The following PATZ1 variants were observed in gnomAD, a reference collection of about 807,000 sequenced individuals.
PATZ1 encodes POZ/BTB and AT hook containing zinc finger 1.
PATZ1 carries 9 observed loss-of-function variants against 46.2 expected under a neutral mutation model. The ratio of observed to expected loss-of-function variants is 0.19; its 90% CI spans 0.12 to 0.34. The LOEUF is 0.34. Ranked by LOEUF, PATZ1 falls within the 10% of genes least tolerant of loss-of-function variation. The pLI, the probability that PATZ1 is intolerant of heterozygous loss-of-function variation, is 1.00. For synonymous variants in PATZ1, 426 were observed against 378.6 expected, an observed-to-expected ratio of 1.13 and a Z score of -1.45; for missense variants, 632 against 923.0, an observed-to-expected ratio of 0.68 and a Z score of 4.08.
intron 2 of PATZ1, among the ~76,000 whole-genome samples, chr22:31,339,701 G>C (rs895777423): frequency 3.3e-5 from 5 of 152,152 alleles, no homozygotes; most frequent in Admixed American, 3.3e-4. Flanking sequence ...CTGTAATTAA[G>C]GGCCATGCCT....
chr22:31,341,314 C>G (rs2049577336), intron 2 of PATZ1: 4 of 1,477,922 alleles, frequency 2.7e-6, no homozygotes, highest in South Asian at 1.5e-5. Context: ...GGGCAGGAAC[C>G]ACCCTGCTAG....
rs1002479039 is a variant in PATZ1, at chr22:31,342,756, GGGT to G, written c.1335+138_1335+140del. ...AGAACAAAGGAGGAGAGCAGAGGGA[GGGT>G]GGAGGAACAGAGGGGAGGTGTGCAA... On this transcript the variant is annotated intron_variant, in intron 2 of 4. Transcript: ENST00000266269. 10 of 780,098 alleles carry G rather than the reference GGGT, an allele frequency of 1.3e-5. No individual in the cohort carries two copies. In the African/African-American group the frequency reaches 1.7e-4, roughly 13 times the overall value. The allele number at this position is 780,098 out of a possible 1,614,324, so 48.3% of individuals were successfully genotyped here.
intron 2 of PATZ1, among the ~76,000 whole-genome samples, chr22:31,337,310 G>A (rs137867924): frequency 1.2e-4 from 19 of 152,288 alleles, no homozygotes; most frequent in African/African-American, 4.1e-4. Flanking sequence ...CCAAGACAGC[G>A]TGGCTTTGGA....
chr22:31,333,709 T>G (rs1383040508), intron 3 of PATZ1, among the ~76,000 whole-genome samples: 1 of 152,180 alleles, frequency 6.6e-6, no homozygotes, highest in Non-Finnish European at 1.5e-5. Context: ...AGTCTTGGCT[T>G]TTCTGAGAAA....
At chr22:31,339,307 T>A (rs2049550827) in intron 2 of PATZ1, among the ~76,000 whole-genome samples, 1 of 152,164 alleles carries the variant, frequency 6.6e-6, no homozygotes, top group African/African-American at 2.4e-5. Flanking sequence ...GACAAACGCT[T>A]TCCCTGTGTT....
intron 2 of PATZ1, 40 bp downstream of exon 2, chr22:31,342,857 C>T (rs2049600375): frequency 6.2e-7 from 1 of 1,610,010 alleles, no homozygotes; most frequent in Non-Finnish European, 8.5e-7. Flanking sequence ...AGAACAGCAT[C>T]ATCTCCTTCA....
At position 31,344,523 on chromosome 22, in the gene PATZ1, G is replaced by A. The variant is rs1182445991; in HGVS notation, c.1080C>T (p.Cys360=). 5.0e-6 allele frequency: 8 copies of A among 1,614,112 alleles called. No individual in the cohort carries two copies. The highest frequency in any genetic ancestry group is 5.1e-6 in the Non-Finnish European group (6 of 1,180,040). ...GATACACATCACGGAAGATCTTGCC[G>A]CAGATCTCACAAGCCACCTGCTTCC... ...RTRKQVACEI[C]GKIFRDVYHL... is the part of the protein sequence containing the mutation. The change falls in exon 1 of 5, where the codon TGC becomes TGT. Residue 360 remains cysteine (C), a synonymous_variant. Coordinates refer to ENST00000266269, the MANE Select transcript of PATZ1 (RefSeq NM_014323.3).
In PATZ1 at chr22:31,328,874, C is replaced by T; in HGVS notation, c.1558G>A (p.Val520Ile). 6.2e-7 allele frequency: 1 copy of T among 1,614,100 alleles called. No individual in the cohort carries two copies. The highest frequency in any genetic ancestry group is 8.5e-7 in the Non-Finnish European group (1 of 1,179,974). ...LKVHVKTHHG[V>I]PLPQVSRHQE... ...TGCCTGGAGACCTGGGGAAGGGGAACACCGTGGTGGGTTTTAACATGGACC... is the reference window on the plus strand; with the variant it reads ...TGCCTGGAGACCTGGGGAAGGGGAATACCGTGGTGGGTTTTAACATGGACC... Residue 520 changes from valine to isoleucine, a missense_variant, in exon 4 of 5, where the codon GTT becomes ATT. Val to Ile is a conservative substitution (Grantham distance 29). This residue lies in a region of PATZ1 where 176 missense variants were observed against 249.4 expected (regional missense o/e 0.71). Transcript: ENST00000266269. This position sits in a 1 kb window ranked among gnomAD's most constrained non-coding sequence, Gnocchi z 4.8.
intron 3 of PATZ1, among the ~76,000 whole-genome samples, chr22:31,329,425 A>C (rs1276909171): frequency 6.6e-6 from 1 of 152,248 alleles, no homozygotes; most frequent in Non-Finnish European, 1.5e-5. Context: ...GAAATCCCAA[A>C]GGAACGCCTC....
chr22:31,337,952 T>C (rs2049531842), intron 2 of PATZ1: 1 of 152,258 alleles, frequency 6.6e-6, no homozygotes, highest in South Asian at 2.1e-4. Context: ...AATATCTGTG[T>C]ACGTTAGCAC....
At position 31,345,467 on chromosome 22, in the gene PATZ1, G is replaced by T. The variant is rs1267085221; in HGVS notation, c.136C>A (p.Arg46=). The stretch of plus-strand genomic sequence containing the variant: ...GCTGGGAAGCTCTCGTCGCCTACCC[G>T]CAAGAGCACGTCGCAGAAGCGCCCG... ...NGGRFCDVLL[R]VGDESFPAHR... Residue 46 remains arginine (R), a synonymous_variant, in exon 1 of 5, where the codon CGG becomes AGG. Transcript: ENST00000266269. The surrounding 1 kb of genome is among the most constrained non-coding windows in gnomAD (Gnocchi z 7.4). The T allele has an allele frequency of 1.9e-6, 3 of 1,612,146 alleles. No homozygotes were observed. The highest frequency in any genetic ancestry group is 2.5e-6 in the Non-Finnish European group (3 of 1,179,616).
chr22:31,342,529 T>C (rs1486399846), intron 2 of PATZ1, among the ~76,000 whole-genome samples: 1 of 152,102 alleles, frequency 6.6e-6, no homozygotes, highest in African/African-American at 2.4e-5. Flanking sequence ...CCCTACAAAC[T>C]GCTGGAAACC....
intron 2 of PATZ1, among the ~76,000 whole-genome samples, chr22:31,342,162 C>T: frequency 6.6e-6 from 1 of 152,154 alleles, no homozygotes; most frequent in East Asian, 1.9e-4. Context: ...CACAGGAAGG[C>T]TCAGTGGCCA....
At position 31,344,373 on chromosome 22, in the gene PATZ1, G is replaced by C. The variant is rs919646276; in HGVS notation, c.1230C>G (p.Gly410=). ...YHVRSHDGSV[G]KPYICQSCGK... Reference sequence around the variant, plus strand: ...CACAGCTCTGGCAGATGTAAGGCTTGCCCACGGACCCATCATGGGACCGCA... The same window carrying C: ...CACAGCTCTGGCAGATGTAAGGCTTCCCCACGGACCCATCATGGGACCGCA... Residue 410 remains glycine, a synonymous_variant, in exon 1 of 5, where the codon GGC becomes GGG. Transcript: ENST00000266269. The C allele has an allele frequency of 2.5e-6, 4 of 1,613,672 alleles. No homozygotes were observed. Among genetic ancestry groups the C allele is most frequent in the Non-Finnish European group, 3.4e-6 (4 of 1,179,742 alleles).
intron 2 of PATZ1, chr22:31,341,412 A>G (rs1360326917): frequency 1.9e-6 from 3 of 1,545,454 alleles, no homozygotes; most frequent in African/African-American, 1.4e-5. Context: ...AGGCTAGCCA[A>G]CAGGCCACTG....
intron 3 of PATZ1, among the ~76,000 whole-genome samples, chr22:31,330,822 T>A (rs1426081749): frequency 6.6e-6 from 1 of 152,176 alleles, no homozygotes; most frequent in Non-Finnish European, 1.5e-5. Context: ...TTACAATAGG[T>A]TTCATTATTA....
chr22:31,327,362 C>T lies in PATZ1; in HGVS notation c.1646-53G>A. On this transcript the variant is annotated intron_variant, in intron 4 of 4. Coordinates refer to ENST00000266269, the MANE Select transcript of PATZ1 (RefSeq NM_014323.3). This position sits in a 1 kb window ranked among gnomAD's most constrained non-coding sequence, Gnocchi z 4.2. ...GATGAGGCCAGGCTCTGGAGATGCC[C>T]CCTCCTGGAGGGGTCATGAGGGGCC... 1 of 1,504,136 alleles carries T rather than the reference C, an allele frequency of 6.6e-7. No homozygotes were observed. The highest frequency in any genetic ancestry group is 9.1e-7 in the Non-Finnish European group (1 of 1,100,528). The allele number at this position is 1,504,136 out of a possible 1,614,324, so 93.2% of individuals were successfully genotyped here.
At chr22:31,341,923 G>A (rs940548005) in intron 2 of PATZ1, among the ~76,000 whole-genome samples, 2 of 152,188 alleles carry the variant, frequency 1.3e-5, no homozygotes, top group Non-Finnish European at 1.5e-5. Flanking sequence ...TGTGAACACC[G>A]TCCACGCCTG....
At position 31,326,966 on chromosome 22, in the gene PATZ1, A is replaced by G. The variant is rs529347868; in HGVS notation, c.1989T>C (p.Ile663=). 5 of 1,614,192 alleles carry G rather than the reference A, an allele frequency of 3.1e-6. No individual in the cohort carries two copies. The highest frequency in any genetic ancestry group is 1.3e-5 in the African/African-American group (1 of 75,048). ...MSLLESFGFQ[I]VQSAFASSLV... is the part of the protein sequence containing the mutation. Reference sequence around the variant, plus strand: ...AAGATGACGCAAATGCCGACTGAACAATCTGAAACCCAAAGGACTCGAGGA... The same window carrying G: ...AAGATGACGCAAATGCCGACTGAACGATCTGAAACCCAAAGGACTCGAGGA... The change falls in exon 5 of 5, where the codon ATT becomes ATC. Residue 663 remains isoleucine (I), a synonymous_variant. Coordinates refer to ENST00000266269, the MANE Select transcript of PATZ1 (RefSeq NM_014323.3).
Sources: allele counts gnomAD v4.1 joint callset (sites outside exome capture counted in the v4.1 genomes callset), GRCh38; gene constraint gnomAD v4.1.1; regional missense constraint gnomAD v4.1.1; non-coding constraint Gnocchi (gnomAD v3.1); transcripts MANE v1.5; gene names NCBI Gene and HGNC (gene_info 2026-07-23, HGNC 2026-07-21).